Variants in PGBD2 observed in about 807,000 individuals in gnomAD.
PGBD2 encodes piggyBac transposable element-derived protein 2.
Under a neutral mutation model 8.1 loss-of-function variants are expected in PGBD2, and 6 were observed. The observed-to-expected ratio is 0.74, with a 90% CI of 0.40 to 1.46. The LOEUF (loss-of-function observed/expected upper bound fraction) is 1.46, where lower values mean the gene tolerates loss of function less well. PGBD2 is among the 40% of genes most tolerant of loss of function. PGBD2 has a pLI of 0.02. For synonymous variants in PGBD2, 318 were observed against 272.2 expected (o/e 1.17, Z -1.66); for missense variants, 802 against 739.0 (o/e 1.09, Z -0.99).
At chr1:248,912,401 G>A (rs775640133) in intron 1 of PGBD2, among the ~76,000 whole-genome samples, 6 of 152,118 alleles carry the variant, frequency 3.9e-5, no homozygotes, top group Admixed American at 6.6e-5. Flanking sequence ...GTTCTGCATC[G>A]CTGGGCAAGT....
rs1450559140 is a variant in PGBD2 at position 248,917,446 on chromosome 1, A to G, written c.862A>G (p.Lys288Glu). 6.2e-7 allele frequency: 1 copy of G among 1,613,838 alleles called. No homozygotes were observed. Among genetic ancestry groups the G allele is most frequent in the East Asian group, 2.2e-5 (1 of 44,850 alleles). The change falls in exon 3 of 3, where the codon AAG becomes GAG. Residue 288 changes from lysine to glutamate, a missense_variant. Transcript: ENST00000329291. ...HRGSKQLHRGKPVRLGYKIWC... is the reference protein window; with the variant it reads ...HRGSKQLHRGEPVRLGYKIWC... ...GGGGTCCAAGCAGCTGCACAGGGGG[A>G]AGCCTGTGCGACTTGGCTACAAGAT...
chr1:248,911,295 T>G (rs1008197812), intron 1 of PGBD2, among the ~76,000 whole-genome samples: 1 of 151,310 alleles, frequency 6.6e-6, no homozygotes, highest in Non-Finnish European at 1.5e-5. Context: ...CCTGGGTACT[T>G]GAGATTAGGG....
At chr1:248,910,783 A>C (rs550960769) in intron 1 of PGBD2, among the ~76,000 whole-genome samples, 16 of 152,176 alleles carry the variant, frequency 1.1e-4, no homozygotes, top group South Asian at 2.1e-4. Context: ...ACTGGAGCTT[A>C]TGATCTAATC....
At chr1:248,923,622 C>CTA (rs769306375), downstream of PGBD2, among the ~76,000 whole-genome samples, 2 of 152,238 alleles carry the variant, frequency 1.3e-5, no homozygotes, top group Non-Finnish European at 2.9e-5. Flanking sequence ...AAAAAACACT[C>CTA]TAGTGTTCTA....
upstream of PGBD2, among the ~76,000 whole-genome samples, chr1:248,904,943 C>G (rs377069449): frequency 6.6e-6 from 1 of 152,170 alleles, no homozygotes. Context: ...TTCTTTTTCA[C>G]TGTTCTAACA....
the PGBD2 span, among the ~76,000 whole-genome samples, chr1:248,882,750 G>A: frequency 6.6e-6 from 1 of 152,142 alleles, no homozygotes; most frequent in Non-Finnish European, 1.5e-5. Flanking sequence ...CTCCCTGACC[G>A]CACGTCCATT....
chr1:248,889,408 A>C, the PGBD2 span, among the ~76,000 whole-genome samples: 1 of 152,020 alleles, frequency 6.6e-6, no homozygotes, highest in Non-Finnish European at 1.5e-5. Context: ...TAAATAAATA[A>C]ATAAATAACA....
the PGBD2 span, among the ~76,000 whole-genome samples, chr1:248,881,586 T>A: frequency 6.6e-6 from 1 of 152,266 alleles, no homozygotes; most frequent in Non-Finnish European, 1.5e-5. Flanking sequence ...TTAATGATCT[T>A]ATTAACTAGC....
In PGBD2 at chr1:248,916,946, T is replaced by C; in HGVS notation, c.362T>C (p.Phe121Ser). ...IWTKRDIRPD[F>S]GSWTASDPHI... ...ACCAAAAGAGATATTCGTCCAGACT[T>C]TGGCAGTTGGACTGCATCAGATCCT... The change falls in exon 3 of 3, where the codon TTT becomes TCT. Residue 121 changes from phenylalanine (F) to serine (S), a missense_variant. Phe to Ser is a radical substitution (Grantham distance 155, BLOSUM62 -2). Coordinates refer to ENST00000329291, the MANE Select transcript of PGBD2 (RefSeq NM_170725.3). 1 of 1,613,668 alleles carries C rather than the reference T, an allele frequency of 6.2e-7. No homozygotes were observed. The highest frequency in any genetic ancestry group is 8.5e-7 in the Non-Finnish European group (1 of 1,179,772).
the PGBD2 span, among the ~76,000 whole-genome samples, chr1:248,883,115 G>C: frequency 6.6e-6 from 1 of 151,210 alleles, no homozygotes; most frequent in Admixed American, 6.6e-5. Flanking sequence ...GAATTTCTTT[G>C]TTTGTTTGTT....
At chr1:248,914,424 T>C in intron 2 of PGBD2, 1 of 1,252,658 alleles carries the variant, frequency 8.0e-7, no homozygotes, top group Non-Finnish European at 1.0e-6. Flanking sequence ...CGGTCTCTTT[T>C]TCTGGCCCAT....
the PGBD2 span, among the ~76,000 whole-genome samples, chr1:248,925,061 A>G: frequency 1.3e-5 from 2 of 151,748 alleles, no homozygotes; most frequent in East Asian, 1.9e-4. Flanking sequence ...GCAAGACTGG[A>G]TATGTTGGAA....
chr1:248,892,285 T>G, the PGBD2 span, among the ~76,000 whole-genome samples: 61 of 122,456 alleles, frequency 5.0e-4, no homozygotes, highest in Non-Finnish European at 8.3e-4. Flanking sequence ...CTTCCTTCCT[T>G]CCTTCCTTCC....
the PGBD2 span, among the ~76,000 whole-genome samples, chr1:248,886,513 A>C: frequency 1.3e-5 from 2 of 152,256 alleles, no homozygotes; most frequent in East Asian, 3.8e-4. Flanking sequence ...ATTGAACAAA[A>C]AGCAGCTAAA....
At chr1:248,891,089 C>T in the PGBD2 span, among the ~76,000 whole-genome samples, 1 of 152,208 alleles carries the variant, frequency 6.6e-6, no homozygotes, top group Non-Finnish European at 1.5e-5. Flanking sequence ...GTAACATAGA[C>T]ATACACTCAT....
chr1:248,928,036 G>A, the PGBD2 span, among the ~76,000 whole-genome samples: 1 of 152,070 alleles, frequency 6.6e-6, no homozygotes, highest in African/African-American at 2.4e-5. Flanking sequence ...AGGGTGTTTC[G>A]ACTTCTTCCT....
downstream of PGBD2, among the ~76,000 whole-genome samples, chr1:248,924,440 T>A (rs1662345993): frequency 6.6e-6 from 1 of 152,192 alleles, no homozygotes; most frequent in Non-Finnish European, 1.5e-5. Context: ...TTGCCAAATT[T>A]TTTTTCAAAA....
the PGBD2 span, among the ~76,000 whole-genome samples, chr1:248,927,095 A>C: frequency 1.3e-5 from 2 of 152,276 alleles, no homozygotes; most frequent in African/African-American, 2.4e-5. Flanking sequence ...CTGACACACA[A>C]AGGCTGGCTC....
intron 1 of PGBD2, among the ~76,000 whole-genome samples, chr1:248,908,087 C>T (rs898859307): frequency 8.5e-5 from 13 of 152,282 alleles, no homozygotes; most frequent in African/African-American, 2.9e-4. Context: ...TCAACAAAAC[C>T]AGGATATTAA....
Sources: allele counts gnomAD v4.1 joint callset (sites outside exome capture counted in the v4.1 genomes callset), GRCh38; gene constraint gnomAD v4.1.1; transcripts MANE v1.5; gene names NCBI Gene and HGNC (gene_info 2026-07-23, HGNC 2026-07-21).